The following DYNC1I1 variants were observed in gnomAD, a reference collection of about 807,000 sequenced individuals.
The protein encoded by DYNC1I1 is cytoplasmic dynein 1 intermediate chain 1.
Under a neutral mutation model 86.6 loss-of-function variants are expected in DYNC1I1, and 43 were observed. The observed-to-expected ratio is 0.50, with a 90% CI of 0.39 to 0.64. The LOEUF (loss-of-function observed/expected upper bound fraction) is 0.64. Among genes scored for constraint, DYNC1I1 ranks in the 30% least tolerant of loss-of-function variants. DYNC1I1 has a pLI of 0.00. For synonymous variants in DYNC1I1, 262 were observed against 283.7 expected (o/e 0.92, Z 0.77); for missense variants, 604 against 788.8 (o/e 0.77, Z 2.81).
intron 10 of DYNC1I1, 143 bp from the exon 11 acceptor site, chr7:96,028,032 C>T: frequency 1.7e-6 from 2 of 1,190,196 alleles, no homozygotes; most frequent in East Asian, 2.4e-5. Context: ...AGTAACTATG[C>T]ACTTTTACAG....
At chr7:96,070,850 C>T (rs952085719) in intron 14 of DYNC1I1, among the ~76,000 whole-genome samples, 12 of 152,178 alleles carry the variant, frequency 7.9e-5, no homozygotes, top group Non-Finnish European at 1.6e-4. Context: ...CTAGATTTAA[C>T]TTTGGCATAT....
chr7:96,040,603 G>C (rs1295296126), intron 14 of DYNC1I1, among the ~76,000 whole-genome samples: 1 of 152,116 alleles, frequency 6.6e-6, no homozygotes, highest in Admixed American at 6.5e-5. Flanking sequence ...AAGGTGCCCG[G>C]GAGAGGCATT....
chr7:95,964,403 C>T (rs1792953517), intron 6 of DYNC1I1, among the ~76,000 whole-genome samples: 1 of 152,136 alleles, frequency 6.6e-6, no homozygotes. Flanking sequence ...ATAGAATCTG[C>T]CATTGCTCTG....
At chr7:96,027,832 G>A (rs1194558546) in intron 10 of DYNC1I1, among the ~76,000 whole-genome samples, 1 of 152,164 alleles carries the variant, frequency 6.6e-6, no homozygotes, top group South Asian at 2.1e-4. Flanking sequence ...TATTAGTTCT[G>A]TTGCAATTCT....
chr7:96,080,238 G>A, intron 15 of DYNC1I1, 125 bp from the exon 16 acceptor site: 1 of 1,196,530 alleles, frequency 8.4e-7, no homozygotes, highest in Non-Finnish European at 1.1e-6. Flanking sequence ...CGGCACAAGG[G>A]ATGTGTATTA....
intron 6 of DYNC1I1, among the ~76,000 whole-genome samples, chr7:95,909,660 T>A (rs1057199090): frequency 5.3e-5 from 8 of 152,170 alleles, no homozygotes; most frequent in Admixed American, 1.3e-4. Flanking sequence ...CCTTCCGTGG[T>A]ATCTGGTGCT....
chr7:96,069,270 C>G (rs1790092719), intron 14 of DYNC1I1, among the ~76,000 whole-genome samples: 1 of 152,160 alleles, frequency 6.6e-6, no homozygotes, highest in Non-Finnish European at 1.5e-5. Flanking sequence ...CAAAGGGGGG[C>G]TCTTTTGAAC....
chr7:96,036,513 T>G (rs1361185159), intron 13 of DYNC1I1, among the ~76,000 whole-genome samples: 3 of 152,228 alleles, frequency 2.0e-5, no homozygotes, highest in Non-Finnish European at 2.9e-5. Flanking sequence ...TCCTTATGCT[T>G]CTATAATAGC....
At chr7:95,923,844 T>A (rs1014284736) in intron 6 of DYNC1I1, among the ~76,000 whole-genome samples, 4 of 152,148 alleles carry the variant, frequency 2.6e-5, no homozygotes, top group African/African-American at 9.6e-5. Flanking sequence ...TGAAGTATTA[T>A]CTACCAATAC....
In DYNC1I1 at chr7:96,002,829, G is replaced by T. The variant is rs559767704; in HGVS notation, c.969+6756G>T. ...TTTTTTGGTTTTGGTTTTTTTTTGG[G>T]TTTTTTTTGTGTTTTTTTTGTTTGT... On this transcript the variant is annotated intron_variant, in intron 10 of 16. Transcript: ENST00000447467. Among the ~76,000 whole-genome samples the T allele has an allele frequency of 3.2e-3, 479 of 150,788 alleles. 1 individual carries two copies. Among genetic ancestry groups the T allele is most frequent in the South Asian group, 0.01 (48 of 4,746 alleles).
chr7:95,837,673 C>G (rs1789146367), intron 5 of DYNC1I1: 1 of 152,914 alleles, frequency 6.5e-6, no homozygotes. Context: ...TCTCGTGGTG[C>G]CCCCTTTTTT....
At chr7:96,093,997 G>C (rs927026971) in intron 16 of DYNC1I1, among the ~76,000 whole-genome samples, 39 of 152,078 alleles carry the variant, frequency 2.6e-4, no homozygotes, top group Admixed American at 2.6e-3. Flanking sequence ...CCTGTTACTT[G>C]CTTGACACAC....
At chr7:95,987,730 A>G (rs1167577126) in intron 9 of DYNC1I1, among the ~76,000 whole-genome samples, 1 of 152,172 alleles carries the variant, frequency 6.6e-6, no homozygotes, top group African/African-American at 2.4e-5. Context: ...CTCCCTGCTG[A>G]ATTTCACTTT....
At chr7:95,965,438 C>T (rs1283331974) in intron 6 of DYNC1I1, among the ~76,000 whole-genome samples, 6 of 152,128 alleles carry the variant, frequency 3.9e-5, no homozygotes, top group Admixed American at 6.6e-5. Context: ...GTCTGAGCAA[C>T]GTATATAACC....
intron 1 of DYNC1I1, among the ~76,000 whole-genome samples, chr7:95,782,269 TAAACTC>T (rs1227760360): frequency 6.6e-6 from 1 of 152,222 alleles, no homozygotes; most frequent in Non-Finnish European, 1.5e-5. Flanking sequence ...ATTTTCGTAA[TAAACTC>T]AAATGACTAT....
intron 10 of DYNC1I1, among the ~76,000 whole-genome samples, chr7:96,010,985 T>C (rs1219405451): frequency 6.6e-6 from 1 of 152,218 alleles, no homozygotes; most frequent in African/African-American, 2.4e-5. Flanking sequence ...ACTGAGTTCA[T>C]TATTTAAATT....
intron 14 of DYNC1I1, 108 bp from the exon 15 acceptor site, chr7:96,075,949 G>A (rs1324514041): frequency 6.9e-7 from 1 of 1,447,480 alleles, no homozygotes. Flanking sequence ...TTTCATCTCG[G>A]GAAGTTTTAT....
intron 6 of DYNC1I1, among the ~76,000 whole-genome samples, chr7:95,891,884 C>T (rs1041204621): frequency 6.6e-6 from 1 of 152,002 alleles, no homozygotes; most frequent in African/African-American, 2.4e-5. Context: ...AGTGGGTGAC[C>T]CCCAATTTCA....
At chr7:95,886,382 C>T (rs1013950373) in intron 6 of DYNC1I1, among the ~76,000 whole-genome samples, 3 of 151,822 alleles carry the variant, frequency 2.0e-5, no homozygotes, top group Non-Finnish European at 4.4e-5. Context: ...TGCAGTGAGC[C>T]GAGATGGCAC....
Sources: gnomAD v4.1 joint callset for allele counts (sites outside exome capture counted in the v4.1 genomes callset) on GRCh38, gnomAD v4.1.1 for gene constraint, MANE v1.5 for transcripts, NCBI Gene and HGNC (gene_info 2026-07-23, HGNC 2026-07-21) for gene names.